PHACTR2: variants seen among roughly 807,000 people sequenced by gnomAD.
The protein encoded by PHACTR2 is phosphatase and actin regulator 2.
PHACTR2 carries 30 observed loss-of-function variants against 76.0 expected under a neutral mutation model. The observed-to-expected ratio is 0.39, with a 90% CI of 0.30 to 0.54. The LOEUF (loss-of-function observed/expected upper bound fraction) is 0.54, where lower values mean the gene tolerates loss of function less well. PHACTR2 is among the 20% of genes least tolerant of loss of function. The pLI is 0.61. For missense variants in PHACTR2, 696 were observed against 781.1 expected (o/e 0.89, Z 1.30); for synonymous variants, 292 against 292.5 (o/e 1.00, Z 0.02).
At chr6:143,637,380 A>T (rs923548873) in intron 1 of PHACTR2, among the ~76,000 whole-genome samples, 8 of 152,212 alleles carry the variant, frequency 5.3e-5, no homozygotes, top group African/African-American at 1.9e-4. Flanking sequence ...AAGGAAAGTA[A>T]AGAGCACAGG....
chr6:143,625,116 A>G lies in PHACTR2; in HGVS notation c.13+16794A>G, dbSNP rs574831181. On this transcript the variant is annotated intron_variant, in intron 1 of 11. Coordinates refer to the PHACTR2 transcript ENST00000305766. The surrounding 1 kb of genome is among the most constrained non-coding windows in gnomAD (Gnocchi z 4.3). ...GGTTGCAGTAAGCCAAGATTGCACCACTACACTCCAACATGGAGTGTAGAG... is the reference window on the plus strand; with the variant it reads ...GGTTGCAGTAAGCCAAGATTGCACCGCTACACTCCAACATGGAGTGTAGAG... 6.6e-6 allele frequency among the ~76,000 whole-genome samples: 1 copy of G among 152,096 alleles called. No homozygotes were observed. The highest frequency in any genetic ancestry group is 1.5e-5 in the Non-Finnish European group (1 of 67,974).
rs1777781419 is a variant in PHACTR2, at chr6:143,696,788, G to A, written c.47-15228G>A. ...ACCATTTTCTTCTCTGGAAGCTTTA[G>A]TGTGGAAATACCTAAGTGTCAGCCC... On this transcript the variant is annotated intron_variant, in intron 1 of 12. Coordinates refer to ENST00000440869, the MANE Select transcript of PHACTR2 (RefSeq NM_001100164.2). The surrounding 1 kb of genome is among the most constrained non-coding windows in gnomAD (Gnocchi z 4.1). 6.6e-6 allele frequency among the ~76,000 whole-genome samples: 1 copy of A among 152,194 alleles called. No homozygotes were observed.
rs1434942218 is a variant in PHACTR2, at chr6:143,555,949, G to A, written c.217+18742G>A. ...TTTTTTTTTTTTTTTAAAGACTGTTGTTCAAAAAAATGATCCTTTTAAATT... is the reference window on the plus strand; with the variant it reads ...TTTTTTTTTTTTTTTAAAGACTGTTATTCAAAAAAATGATCCTTTTAAATT... On this transcript the variant is annotated intron_variant, in intron 1 of 11. Transcript: ENST00000367584. 5.2e-5 allele frequency among the ~76,000 whole-genome samples: 7 copies of A among 135,556 alleles called. No individual in the cohort carries two copies. In the Admixed American group the frequency reaches 5.2e-4, roughly 10 times the overall value. The allele number at this position is 135,556 out of a possible 152,430, so 88.9% of individuals were successfully genotyped here. A position where few individuals can be genotyped will look rare whatever the true frequency, so the allele number is the denominator to read the frequency against.
Position 143,807,171 on chromosome 6 carries a change from T to G in PHACTR2, c.1922+38T>G, listed in dbSNP as rs769795529. 8.3e-7 allele frequency: 1 copy of G among 1,201,190 alleles called. No homozygotes were observed. Among genetic ancestry groups the G allele is most frequent in the East Asian group, 2.3e-5 (1 of 42,750 alleles). 74.4% of individuals were successfully genotyped at this position (1,201,190 alleles called of 1,614,324 possible). A position where few individuals can be genotyped will look rare whatever the true frequency, so the allele number is the denominator to read the frequency against. Reference sequence around the variant, plus strand: ...ATGCAGCTTAGAAATTGAAAATGCTTAAGATGTGATCCCATGTTGAGTTGG... The same window carrying G: ...ATGCAGCTTAGAAATTGAAAATGCTGAAGATGTGATCCCATGTTGAGTTGG... On this transcript the variant is annotated intron_variant, in intron 12 of 12. Coordinates refer to ENST00000440869, the MANE Select transcript of PHACTR2 (RefSeq NM_001100164.2). This position sits in a 1 kb window ranked among gnomAD's most constrained non-coding sequence, Gnocchi z 5.5.
intron 1 of PHACTR2, among the ~76,000 whole-genome samples, chr6:143,545,702 C>G (rs1454937560): frequency 3.3e-5 from 5 of 152,120 alleles, no homozygotes; most frequent in Non-Finnish European, 7.4e-5. Context: ...CCTACCCCAC[C>G]CTAGTACATA....
chr6:143,567,931 G>A (rs939704701), intron 1 of PHACTR2, among the ~76,000 whole-genome samples: 6 of 152,150 alleles, frequency 3.9e-5, no homozygotes, highest in Non-Finnish European at 7.4e-5. Context: ...CTCTAGAAAC[G>A]TTCCAGCGAT....
At chr6:143,635,422 A>G (rs1319998529) in intron 1 of PHACTR2, among the ~76,000 whole-genome samples, 1 of 152,152 alleles carries the variant, frequency 6.6e-6, no homozygotes, top group Non-Finnish European at 1.5e-5. Context: ...AATGTAGGAC[A>G]AACTCTTCAA....
rs1367277393 is a variant in PHACTR2, at chr6:143,755,735, C to T, written c.454+1823C>T. On this transcript the variant is annotated intron_variant, in intron 4 of 12. Coordinates refer to ENST00000440869, the MANE Select transcript of PHACTR2 (RefSeq NM_001100164.2). This position sits in a 1 kb window ranked among gnomAD's most constrained non-coding sequence, Gnocchi z 5.2. ...CTGTCTCCTGTGTGGAAAGTGCACACACCAAAGCCACAAGGAGAAGCGCTA... is the reference window on the plus strand; with the variant it reads ...CTGTCTCCTGTGTGGAAAGTGCACATACCAAAGCCACAAGGAGAAGCGCTA... Among the ~76,000 whole-genome samples the T allele has an allele frequency of 6.6e-6, 1 of 152,158 alleles. No individual in the cohort carries two copies. The highest frequency in any genetic ancestry group is 1.5e-5 in the Non-Finnish European group (1 of 68,040).
rs746038572 is a variant in PHACTR2 at position 143,595,239 on chromosome 6, G to T, written c.217+58032G>T. Among the ~76,000 whole-genome samples the T allele has an allele frequency of 6.6e-6, 1 of 152,222 alleles. No individual in the cohort carries two copies. Among genetic ancestry groups the T allele is most frequent in the Non-Finnish European group, 1.5e-5 (1 of 68,040 alleles). ...CTAAAATATATATGAACTAAGTTAA[G>T]TATGTCAAATGACACACTAAAGGCT... On this transcript the variant is annotated intron_variant, in intron 1 of 11. Coordinates refer to the PHACTR2 transcript ENST00000367584. The surrounding 1 kb of genome is among the most constrained non-coding windows in gnomAD (Gnocchi z 4.2).
At chr6:143,686,195 T>C (rs183018651) in intron 1 of PHACTR2, among the ~76,000 whole-genome samples, 147 of 150,660 alleles carry the variant, frequency 9.8e-4, no homozygotes, top group African/African-American at 3.4e-3. Flanking sequence ...CATAGAAGTA[T>C]ATTGTAAAAG....
In PHACTR2 at chr6:143,806,986, G is replaced by T; in HGVS notation, c.1846-71G>T. ...AAAAAAAAAAAAGGTCTGCTTCATT[G>T]ATGCTGTATATACTGGGGCAATATA... On this transcript the variant is annotated intron_variant, in intron 11 of 12. Coordinates refer to ENST00000440869, the MANE Select transcript of PHACTR2 (RefSeq NM_001100164.2). This position sits in a 1 kb window ranked among gnomAD's most constrained non-coding sequence, Gnocchi z 5.8. The T allele has an allele frequency of 5.6e-6, 4 of 718,678 alleles. No individual in the cohort carries two copies. Among genetic ancestry groups the T allele is most frequent in the South Asian group, 1.8e-5 (1 of 55,564 alleles). 44.5% of individuals were successfully genotyped at this position (718,678 alleles called of 1,614,324 possible).
At chr6:143,577,077 A>G (rs1205939437) in intron 1 of PHACTR2, among the ~76,000 whole-genome samples, 1 of 152,078 alleles carries the variant, frequency 6.6e-6, no homozygotes, top group African/African-American at 2.4e-5. Context: ...TACCCTTATA[A>G]TTAGATGAAC....
Position 143,627,768 on chromosome 6 carries a change from A to G in PHACTR2, c.13+19446A>G, listed in dbSNP as rs990358269. 2.0e-5 allele frequency among the ~76,000 whole-genome samples: 3 copies of G among 151,900 alleles called. No individual in the cohort carries two copies. Among genetic ancestry groups the G allele is most frequent in the African/African-American group, 4.8e-5 (2 of 41,352 alleles). ...AGGCTCGTACCGCCACGCCCAGCTAATTTTTTGTATTTTTAGTAGAGATGG... is the reference window on the plus strand; with the variant it reads ...AGGCTCGTACCGCCACGCCCAGCTAGTTTTTTGTATTTTTAGTAGAGATGG... On this transcript the variant is annotated intron_variant, in intron 1 of 11. Coordinates refer to the PHACTR2 transcript ENST00000305766. The surrounding 1 kb of genome is among the most constrained non-coding windows in gnomAD (Gnocchi z 4.3).
rs912469577 is a variant in PHACTR2, at chr6:143,789,628, C to G, written c.1845+718C>G. On this transcript the variant is annotated intron_variant, in intron 11 of 12. Coordinates refer to ENST00000440869, the MANE Select transcript of PHACTR2 (RefSeq NM_001100164.2). This position sits in a 1 kb window ranked among gnomAD's most constrained non-coding sequence, Gnocchi z 5.1. The stretch of plus-strand genomic sequence containing the variant: ...TTTTAAATTGTTCTAATTTTTATCT[C>G]TTAGCAAAATCTGGTATTGAATAAA... 1.3e-5 allele frequency among the ~76,000 whole-genome samples: 2 copies of G among 152,172 alleles called. No individual in the cohort carries two copies. The highest frequency in any genetic ancestry group is 1.3e-4 in the Admixed American group (2 of 15,268).
In PHACTR2 at chr6:143,696,164, G is replaced by C. The variant is rs564272971; in HGVS notation, c.47-15852G>C. Among the ~76,000 whole-genome samples the C allele has an allele frequency of 5.5e-4, 84 of 152,248 alleles. No homozygotes were observed. Among genetic ancestry groups the C allele is most frequent in the African/African-American group, 1.9e-3 (77 of 41,544 alleles). ...TCTTGTATATGATGTCAACCTTCTT[G>C]CTTAGTTTCTTTCCTTAATCCAGGG... On this transcript the variant is annotated intron_variant, in intron 1 of 12. Coordinates refer to ENST00000440869, the MANE Select transcript of PHACTR2 (RefSeq NM_001100164.2). This position sits in a 1 kb window ranked among gnomAD's most constrained non-coding sequence, Gnocchi z 4.1.
chr6:143,537,427 G>A lies in PHACTR2; in HGVS notation c.217+220G>A, dbSNP rs935807725. Among the ~76,000 whole-genome samples, 1 of 152,172 alleles carries A rather than the reference G, an allele frequency of 6.6e-6. No homozygotes were observed. Among genetic ancestry groups the A allele is most frequent in the African/African-American group, 2.4e-5 (1 of 41,460 alleles). On this transcript the variant is annotated intron_variant, in intron 1 of 11. Transcript: ENST00000367584. This position sits in a 1 kb window ranked among gnomAD's most constrained non-coding sequence, Gnocchi z 4.4. ...TAGGCGGAAGATGCTAAAAGCAGGC[G>A]ACGGCTTGGTGCGCCTTGCGGGGCG...
At chr6:143,725,355 C>A (rs1179341782) in intron 2 of PHACTR2, among the ~76,000 whole-genome samples, 1 of 150,858 alleles carries the variant, frequency 6.6e-6, no homozygotes, top group Admixed American at 6.6e-5. Flanking sequence ...CGCCCGCCAC[C>A]ATACCCGGCT....
At position 143,750,323 on chromosome 6, in the gene PHACTR2, A is replaced by G. The variant is rs1445337891; in HGVS notation, c.295+1258A>G. Among the ~76,000 whole-genome samples the G allele has an allele frequency of 1.3e-5, 2 of 152,150 alleles. No individual in the cohort carries two copies. The highest frequency in any genetic ancestry group is 4.8e-5 in the African/African-American group (2 of 41,430). The stretch of plus-strand genomic sequence containing the variant: ...ATTTATTTCCTGTTTGAGACTTTTA[A>G]GAGTTAAAAATGCACATTTCTAACT... On this transcript the variant is annotated intron_variant, in intron 3 of 12. Coordinates refer to ENST00000440869, the MANE Select transcript of PHACTR2 (RefSeq NM_001100164.2). This position sits in a 1 kb window ranked among gnomAD's most constrained non-coding sequence, Gnocchi z 4.6.
intron 1 of PHACTR2, among the ~76,000 whole-genome samples, chr6:143,699,679 C>G (rs1249784423): frequency 6.6e-6 from 1 of 152,210 alleles, no homozygotes; most frequent in Admixed American, 6.5e-5. Flanking sequence ...CTTCTCTCTT[C>G]TTGACATCCA....
Sources: allele counts gnomAD v4.1 joint callset (sites outside exome capture counted in the v4.1 genomes callset), GRCh38; gene constraint gnomAD v4.1.1; non-coding constraint Gnocchi (gnomAD v3.1); transcripts MANE v1.5; gene names NCBI Gene and HGNC (gene_info 2026-07-23, HGNC 2026-07-21).